FANCB: variants seen among roughly 807,000 people sequenced by gnomAD.
The protein encoded by FANCB is FA complementation group B.
A neutral mutation model predicts 38.9 loss-of-function variants in FANCB; 5 were observed. That is an observed-to-expected ratio of 0.13 (90% CI 0.07 to 0.27). FANCB has a LOEUF of 0.27. Among genes scored for constraint, FANCB ranks in the 10% least tolerant of loss-of-function variants. The pLI, the probability that FANCB is intolerant of heterozygous loss-of-function variation, is 1.00. For synonymous variants in FANCB, 236 were observed against 215.4 expected (o/e 1.10, Z -0.84); for missense variants, 573 against 602.7 (o/e 0.95, Z 0.52).
At chrX:14,777,643 C>T in the FANCB span, among the ~76,000 whole-genome samples, 3 of 112,020 alleles carry the variant, frequency 2.7e-5, no homozygotes, top group Non-Finnish European at 5.6e-5. Context: ...CACTGGACAG[C>T]ATTTTGTATG....
At chrX:14,753,679 C>A in the FANCB span, among the ~76,000 whole-genome samples, 11 of 111,012 alleles carry the variant, frequency 9.9e-5, no homozygotes, top group African/African-American at 3.6e-4. Context: ...GTAGTGATTA[C>A]CGAGTTCCCA....
the FANCB span, chrX:14,690,620 T>G: frequency 4.7e-6 from 3 of 638,817 alleles, no homozygotes; most frequent in South Asian, 5.1e-5. Flanking sequence ...CTCACACCAT[T>G]AAGAATCTGG....
At chrX:14,773,543 C>T in the FANCB span, among the ~76,000 whole-genome samples, 1 of 111,800 alleles carries the variant, frequency 8.9e-6, no homozygotes, top group Non-Finnish European at 1.9e-5. Flanking sequence ...AATACAGGTA[C>T]AGAGCCCATG....
chrX:14,809,937 A>T, the FANCB span, among the ~76,000 whole-genome samples: 2 of 112,117 alleles, frequency 1.8e-5, no homozygotes, highest in Admixed American at 1.9e-4. Flanking sequence ...ACCCCCCAGT[A>T]GGGGCAGACT....
At chrX:14,850,454 A>G (rs1199728095) in intron 7 of FANCB, 51 bp downstream of exon 7, 6 of 958,188 alleles carry the variant, frequency 6.3e-6, no homozygotes, top group South Asian at 3.9e-5. Context: ...TCTATTGGAC[A>G]GTACTGTTCT....
the FANCB span, among the ~76,000 whole-genome samples, chrX:14,702,274 A>G: frequency 7.2e-5 from 8 of 111,798 alleles, no homozygotes; most frequent in East Asian, 5.7e-4. Context: ...GAATGCTACA[A>G]TCAGATTGGA....
At chrX:14,762,030 TTC>T in the FANCB span, among the ~76,000 whole-genome samples, 1 of 111,408 alleles carries the variant, frequency 9.0e-6, no homozygotes, top group African/African-American at 3.3e-5. Flanking sequence ...GAAATTTATT[TTC>T]TCACAGTTCT....
At chrX:14,754,854 T>A in the FANCB span, among the ~76,000 whole-genome samples, 2 of 110,628 alleles carry the variant, frequency 1.8e-5, no homozygotes, top group Admixed American at 1.9e-4. Context: ...GAAACCAGCA[T>A]TACCCTGTTA....
the FANCB span, among the ~76,000 whole-genome samples, chrX:14,825,885 G>A: frequency 8.9e-6 from 1 of 112,232 alleles, no homozygotes; most frequent in Non-Finnish European, 1.9e-5. Flanking sequence ...TGCAAGTTTA[G>A]TAAGATTCAA....
chrX:14,795,627 A>G, the FANCB span, among the ~76,000 whole-genome samples: 43 of 112,104 alleles, frequency 3.8e-4, no homozygotes, highest in Admixed American at 4.0e-3. Flanking sequence ...TGACAAGACA[A>G]TTGAGAGAAT....
intron 1 of FANCB, among the ~76,000 whole-genome samples, chrX:14,870,464 C>T (rs899168673): frequency 1.9e-4 from 21 of 109,631 alleles, no homozygotes; most frequent in African/African-American, 6.3e-4. Context: ...CGGTGCGGGG[C>T]GGGGCGTGGA....
chrX:14,783,938 G>A, the FANCB span, among the ~76,000 whole-genome samples: 1 of 112,665 alleles, frequency 8.9e-6, no homozygotes, highest in Non-Finnish European at 1.9e-5. Context: ...GGCCAGGCGC[G>A]GTGGCTCATG....
At chrX:14,761,551 G>T in the FANCB span, among the ~76,000 whole-genome samples, 3 of 110,906 alleles carry the variant, frequency 2.7e-5, no homozygotes, top group African/African-American at 9.8e-5. Flanking sequence ...GGAACATAAC[G>T]CTGGTAGAAG....
chrX:14,811,959 ACTGT>A, the FANCB span, among the ~76,000 whole-genome samples: 2 of 111,958 alleles, frequency 1.8e-5, no homozygotes. Flanking sequence ...ATTATAACAA[ACTGT>A]CTCTTAGACC....
the FANCB span, among the ~76,000 whole-genome samples, chrX:14,691,312 T>C: frequency 1.6e-4 from 13 of 79,717 alleles, no homozygotes; most frequent in Non-Finnish European, 2.2e-4. Flanking sequence ...TGTGTGTGTG[T>C]GTGTGTGTGT....
the FANCB span, among the ~76,000 whole-genome samples, chrX:14,768,530 A>T: frequency 8.9e-6 from 1 of 112,111 alleles, no homozygotes; most frequent in Admixed American, 9.5e-5. Context: ...GACTTTGCTG[A>T]AGTTGCTTAA....
the FANCB span, among the ~76,000 whole-genome samples, chrX:14,799,055 A>G: frequency 8.9e-6 from 1 of 111,800 alleles, no homozygotes; most frequent in African/African-American, 3.3e-5. Context: ...TGCCAGCACC[A>G]TGACTGTTCC....
the FANCB span, chrX:14,690,655 T>TTCTTTC: frequency 1.1e-6 from 1 of 886,482 alleles, no homozygotes; most frequent in Non-Finnish European, 1.6e-6. Flanking sequence ...TTCATAGTCT[T>TTCTTTC]TCTTTCTCTC....
the FANCB span, among the ~76,000 whole-genome samples, chrX:14,694,816 A>G: frequency 2.7e-5 from 3 of 112,450 alleles, no homozygotes; most frequent in Non-Finnish European, 3.8e-5. Flanking sequence ...TGGAGGTAAA[A>G]CCAATAGGTC....
Sources: allele counts gnomAD v4.1 joint callset (sites outside exome capture counted in the v4.1 genomes callset), GRCh38; gene constraint gnomAD v4.1.1; transcripts MANE v1.5; gene names NCBI Gene and HGNC (gene_info 2026-07-23, HGNC 2026-07-21).